The following KAZN variants were observed in gnomAD, a reference collection of about 807,000 sequenced individuals.
KAZN encodes the protein kazrin.
KAZN carries 40 observed loss-of-function variants against 87.4 expected under a neutral mutation model. That is an observed-to-expected ratio of 0.46 (90% CI 0.36 to 0.60). The LOEUF is 0.60. Among genes scored for constraint, KAZN ranks in the 20% least tolerant of loss-of-function variants. The pLI is 0.00. For synonymous variants in KAZN, 466 were observed against 458.3 expected (o/e 1.02, Z -0.22); for missense variants, 898 against 1,073.9 (o/e 0.84, Z 2.29).
intron 1 of KAZN, among the ~76,000 whole-genome samples, chr1:14,044,108 G>T (rs766836064): frequency 7.1e-6 from 1 of 141,816 alleles, no homozygotes; most frequent in Non-Finnish European, 1.6e-5. Context: ...TTCTCCATGT[G>T]ATCTCTCTCT....
chr1:14,704,754 C>T (rs1306918992), intron 1 of KAZN, among the ~76,000 whole-genome samples: 3 of 152,162 alleles, frequency 2.0e-5, no homozygotes, highest in African/African-American at 7.2e-5. Flanking sequence ...CAAATGACAT[C>T]GGGGTTCAGC....
At chr1:13,893,719 C>T (rs368760464) in exon 1 of KAZN, 2 of 1,550,542 alleles carry the variant, frequency 1.3e-6, no homozygotes, top group East Asian at 2.4e-5. Flanking sequence ...TCACCTTCTC[C>T]CACGTCTTTG....
rs74511079 is a variant in KAZN at position 14,337,755 on chromosome 1, G to A, written c.249+157163G>A. On this transcript the variant is annotated intron_variant, in intron 2 of 16. Transcript: ENST00000636203. ...CTAAAAATACAAAAATTAACTGGGCGTGGTGGCGCGCATCTGTAATCCCAG... is the reference window on the plus strand; with the variant it reads ...CTAAAAATACAAAAATTAACTGGGCATGGTGGCGCGCATCTGTAATCCCAG... Among the ~76,000 whole-genome samples, 25 of 152,144 alleles carry A rather than the reference G, an allele frequency of 1.6e-4. 1 individual carries two copies. Among genetic ancestry groups the A allele is most frequent in the East Asian group, 1.9e-4 (1 of 5,140 alleles).
intron 1 of KAZN, among the ~76,000 whole-genome samples, chr1:14,910,840 T>C (rs1557612257): frequency 6.6e-6 from 1 of 152,194 alleles, no homozygotes; most frequent in Non-Finnish European, 1.5e-5. Flanking sequence ...TCCTATCTTT[T>C]AAGTGAAATT....
At position 15,092,434 on chromosome 1, in the gene KAZN, T is replaced by G. The variant is rs144049516; in HGVS notation, c.1223-1746T>G. ...ATGGTATTGAGTTTGTCTGTTTGGG[T>G]GTGTGTGTGTGTTTTTATTTGTTTT... On this transcript the variant is annotated intron_variant, in intron 8 of 14. Coordinates refer to ENST00000376030, the MANE Select transcript of KAZN (RefSeq NM_201628.3). Among the ~76,000 whole-genome samples, 956 of 151,962 alleles carry G rather than the reference T, an allele frequency of 6.3e-3. 11 individuals carry two copies. Among genetic ancestry groups the G allele is most frequent in the African/African-American group, 0.022 (900 of 41,500 alleles).
chr1:14,340,827 A>C (rs1657632489), intron 2 of KAZN, among the ~76,000 whole-genome samples: 1 of 151,558 alleles, frequency 6.6e-6, no homozygotes, highest in Non-Finnish European at 1.5e-5. Flanking sequence ...CTTCATTATG[A>C]GTAAAATGAA....
At chr1:14,225,766 G>T (rs1571069295) in intron 2 of KAZN, among the ~76,000 whole-genome samples, 1 of 152,104 alleles carries the variant, frequency 6.6e-6, no homozygotes. Flanking sequence ...GGAAAGGAAT[G>T]CCTATTCAAT....
chr1:14,438,124 C>A (rs1177999493), intron 2 of KAZN, among the ~76,000 whole-genome samples: 3 of 149,032 alleles, frequency 2.0e-5, no homozygotes, highest in Non-Finnish European at 4.4e-5. Context: ...ATCTGAGCAA[C>A]ACCACGTGCC....
chr1:14,332,431 C>T (rs1340465393), intron 2 of KAZN, among the ~76,000 whole-genome samples: 3 of 152,162 alleles, frequency 2.0e-5, no homozygotes, highest in Non-Finnish European at 4.4e-5. Context: ...GACAGGAATG[C>T]CAAGCGCACG....
At chr1:14,391,036 A>C (rs537327003) in intron 2 of KAZN, among the ~76,000 whole-genome samples, 3 of 152,346 alleles carry the variant, frequency 2.0e-5, no homozygotes, top group South Asian at 2.1e-4. Flanking sequence ...GATGGGCAGG[A>C]ACTGGCTTGG....
intron 1 of KAZN, among the ~76,000 whole-genome samples, chr1:14,791,372 A>G (rs1645669205): frequency 6.6e-6 from 1 of 152,184 alleles, no homozygotes; most frequent in African/African-American, 2.4e-5. Context: ...CTGTCCTGAA[A>G]TGTCACTGGA....
chr1:14,341,211 A>T (rs6696067), intron 2 of KAZN, among the ~76,000 whole-genome samples: 119,341 of 152,026 alleles, frequency 0.79, 47,471 homozygotes, highest in Admixed American at 0.87. Context: ...CTTATTTTTT[A>T]AAAAAGATTA....
intron 1 of KAZN, among the ~76,000 whole-genome samples, chr1:13,970,471 T>C (rs1423247998): frequency 6.6e-6 from 1 of 152,174 alleles, no homozygotes; most frequent in Non-Finnish European, 1.5e-5. Flanking sequence ...AGCCTGGCCA[T>C]GGAAGAGTTG....
At chr1:14,914,390 A>G (rs1657578274) in intron 1 of KAZN, among the ~76,000 whole-genome samples, 1 of 152,188 alleles carries the variant, frequency 6.6e-6, no homozygotes, top group South Asian at 2.1e-4. Context: ...CTAAACCCCC[A>G]TCGGTGTTGG....
In KAZN at chr1:15,014,525, C is replaced by T. The variant is rs1390953718; in HGVS notation, c.419-20224C>T. ...CCCCAGATTAACCCTTCAAGCTCTG[C>T]TGGATGAGCCTCTCGTGGCACGGCA... On this transcript the variant is annotated intron_variant, in intron 2 of 14. Transcript: ENST00000376030. 7.9e-5 allele frequency among the ~76,000 whole-genome samples: 12 copies of T among 152,164 alleles called. 1 individual carries two copies. The highest frequency in any genetic ancestry group is 2.9e-4 in the African/African-American group (12 of 41,400).
At chr1:14,466,777 G>A (rs1308456774) in intron 2 of KAZN, among the ~76,000 whole-genome samples, 2 of 151,958 alleles carry the variant, frequency 1.3e-5, no homozygotes, top group Non-Finnish European at 2.9e-5. Flanking sequence ...GACCATCCTG[G>A]CTAACACGGT....
At chr1:13,986,258 T>C (rs1271298995) in intron 1 of KAZN, among the ~76,000 whole-genome samples, 1 of 152,264 alleles carries the variant, frequency 6.6e-6, no homozygotes, top group Non-Finnish European at 1.5e-5. Context: ...GTATTTTTTC[T>C]TTTACAAATT....
intron 11 of KAZN, 61 bp downstream of exon 11, chr1:15,101,835 C>T (rs1416713014): frequency 1.8e-6 from 2 of 1,128,322 alleles, no homozygotes; most frequent in African/African-American, 3.1e-5. Context: ...CTCTTGGCAT[C>T]TACTGTCTGT....
chr1:14,022,134 A>G (rs534411025), intron 1 of KAZN, among the ~76,000 whole-genome samples: 7 of 152,096 alleles, frequency 4.6e-5, no homozygotes, highest in African/African-American at 1.7e-4. Context: ...GGACTGAATA[A>G]TGACTAGGAG....
Sources: allele counts gnomAD v4.1 joint callset (sites outside exome capture counted in the v4.1 genomes callset), GRCh38; gene constraint gnomAD v4.1.1; transcripts MANE v1.5; gene names NCBI Gene and HGNC (gene_info 2026-07-23, HGNC 2026-07-21).